The following MARCHF10 variants were observed in gnomAD, a reference collection of about 807,000 sequenced individuals.
MARCHF10 encodes membrane associated ring-CH-type finger 10.
A neutral mutation model predicts 76.2 loss-of-function variants in MARCHF10; 64 were observed. The observed-to-expected ratio is 0.84, with a 90% confidence interval of 0.69 to 1.03. MARCHF10 has a LOEUF of 1.03. Among genes scored for constraint, MARCHF10 ranks in the 50% least tolerant of loss-of-function variants. MARCHF10 has a pLI of 0.00. For missense variants in MARCHF10, 875 were observed against 958.0 expected (o/e 0.91, Z 1.14); for synonymous variants, 340 against 357.5 (o/e 0.95, Z 0.55).
chr17:62,740,652 T>A (rs1425447652), intron 5 of MARCHF10, among the ~76,000 whole-genome samples: 1 of 152,126 alleles, frequency 6.6e-6, no homozygotes, highest in African/African-American at 2.4e-5. Context: ...GCTTCTTTTT[T>A]TCTTACTTTT....
chr17:62,761,690 G>A (rs1026051172), intron 3 of MARCHF10, among the ~76,000 whole-genome samples: 2 of 152,118 alleles, frequency 1.3e-5, no homozygotes, highest in Admixed American at 6.6e-5. Flanking sequence ...CCAAAGTTCT[G>A]GGATTATAGG....
At chr17:62,726,872 G>A (rs559943081) in intron 6 of MARCHF10, among the ~76,000 whole-genome samples, 3 of 152,038 alleles carry the variant, frequency 2.0e-5, no homozygotes, top group East Asian at 1.9e-4. Context: ...CAGGTGATCC[G>A]CCTGCCTTGG....
At position 62,738,535 on chromosome 17, in the gene MARCHF10, G is replaced by T. The variant is rs2091384246; in HGVS notation, c.536-1203C>A. On this transcript the variant is annotated intron_variant, in intron 5 of 10. Transcript: ENST00000311269. This position sits in a 1 kb window ranked among gnomAD's most constrained non-coding sequence, Gnocchi z 4.0. ...CTTTTTATCATTCCATTTCTAAAGCGGTTCACCCTGTAGAGTGGACGGGAC... is the reference window on the plus strand; with the variant it reads ...CTTTTTATCATTCCATTTCTAAAGCTGTTCACCCTGTAGAGTGGACGGGAC... 6.6e-6 allele frequency among the ~76,000 whole-genome samples: 1 copy of T among 152,094 alleles called. No homozygotes were observed. Among genetic ancestry groups the T allele is most frequent in the African/African-American group, 2.4e-5 (1 of 41,400 alleles).
chr17:62,783,865 A>G (rs2092704043), intron 3 of MARCHF10, among the ~76,000 whole-genome samples: 1 of 152,240 alleles, frequency 6.6e-6, no homozygotes, highest in Non-Finnish European at 1.5e-5. Context: ...CAGGCTCTGA[A>G]ATTGAGGCAA....
intron 3 of MARCHF10, among the ~76,000 whole-genome samples, chr17:62,776,077 A>C (rs969912316): frequency 3.9e-5 from 6 of 152,222 alleles, no homozygotes; most frequent in South Asian, 4.1e-4. Context: ...GATTACAGGC[A>C]TGAGTCACTG....
At position 62,730,241 on chromosome 17, in the gene MARCHF10, C is replaced by T. The variant is rs937388275; in HGVS notation, c.1938-5137G>A. Among the ~76,000 whole-genome samples, 3 of 151,860 alleles carry T rather than the reference C, an allele frequency of 2.0e-5. No individual in the cohort carries two copies. In the South Asian group the frequency reaches 6.3e-4, roughly 32 times the overall value. Reference sequence around the variant, plus strand: ...AAAACCCCAAAAAACAAAAACAAAACCATAAATCAACAATAAATGTGTATA... The same window carrying T: ...AAAACCCCAAAAAACAAAAACAAAATCATAAATCAACAATAAATGTGTATA... On this transcript the variant is annotated intron_variant, in intron 6 of 10. Coordinates refer to ENST00000311269, the MANE Select transcript of MARCHF10 (RefSeq NM_152598.4).
At chr17:62,798,773 G>T (rs1430829072) in intron 2 of MARCHF10, among the ~76,000 whole-genome samples, 5 of 152,188 alleles carry the variant, frequency 3.3e-5, no homozygotes, top group African/African-American at 1.2e-4. Context: ...CTTAAGATGG[G>T]AGAGACTTAA....
chr17:62,772,043 T>C (rs2092458376), intron 3 of MARCHF10, among the ~76,000 whole-genome samples: 1 of 152,150 alleles, frequency 6.6e-6, no homozygotes, highest in Non-Finnish European at 1.5e-5. Context: ...GGAAAGGACT[T>C]GGTGACGAAT....
intron 4 of MARCHF10, among the ~76,000 whole-genome samples, chr17:62,755,992 T>C (rs2092029038): frequency 6.6e-6 from 1 of 152,028 alleles, no homozygotes; most frequent in Non-Finnish European, 1.5e-5. Context: ...CTCATGCCTG[T>C]AACCCCAGTA....
rs901769672 is a variant in MARCHF10, at chr17:62,735,700, A to G, written c.1937+231T>C. 5.9e-5 allele frequency: 31 copies of G among 526,710 alleles called. No individual in the cohort carries two copies. In the East Asian group the frequency reaches 1.0e-3, roughly 17 times the overall value. 32.6% of individuals were successfully genotyped at this position (526,710 alleles called of 1,614,324 possible). A position where few individuals can be genotyped will look rare whatever the true frequency, so the allele number is the denominator to read the frequency against. ...TAAGGGTGTGGTATTCAAGGAAAAA[A>G]ACACTTTGGGAAATAGAGAAGAAAC... On this transcript the variant is annotated intron_variant, in intron 6 of 10. Coordinates refer to ENST00000311269, the MANE Select transcript of MARCHF10 (RefSeq NM_152598.4).
chr17:62,737,546 G>A (rs539454476), intron 5 of MARCHF10: 4 of 551,598 alleles, frequency 7.3e-6, no homozygotes, highest in South Asian at 4.8e-5. Flanking sequence ...TGTGGTCCTA[G>A]GGAAATGGGG....
intron 3 of MARCHF10, among the ~76,000 whole-genome samples, chr17:62,782,163 C>T (rs753290564): frequency 3.3e-5 from 5 of 151,964 alleles, no homozygotes; most frequent in Non-Finnish European, 5.9e-5. Context: ...GAGCTGTGGA[C>T]ATTGGATCTG....
chr17:62,781,968 T>A, intron 3 of MARCHF10, among the ~76,000 whole-genome samples: 1 of 152,242 alleles, frequency 6.6e-6, no homozygotes, highest in East Asian at 1.9e-4. Flanking sequence ...CAGAGGCAAA[T>A]GCTATTTCGA....
intron 9 of MARCHF10, 147 bp from the exon 10 acceptor site, chr17:62,705,728 G>A (rs2089546299): frequency 1.0e-6 from 1 of 965,588 alleles, no homozygotes; most frequent in Non-Finnish European, 1.5e-6. Flanking sequence ...CTGAGGGCTG[G>A]GTGAGTGCTA....
At chr17:62,794,477 G>A (rs1364199008) in intron 2 of MARCHF10, among the ~76,000 whole-genome samples, 1 of 152,196 alleles carries the variant, frequency 6.6e-6, no homozygotes, top group African/African-American at 2.4e-5. Flanking sequence ...TTGTTTTTCT[G>A]CCCTGTAAGT....
intron 6 of MARCHF10, among the ~76,000 whole-genome samples, chr17:62,729,450 TTATATA>T (rs1387073297): frequency 6.7e-6 from 1 of 148,476 alleles, no homozygotes; most frequent in Non-Finnish European, 1.5e-5. Context: ...CAAAGAGAGA[TTATATA>T]TATATTTATA....
intron 2 of MARCHF10, among the ~76,000 whole-genome samples, chr17:62,794,005 GACCACCATC>G (rs991418618): frequency 1.1e-5 from 1 of 87,256 alleles, no homozygotes; most frequent in African/African-American, 4.7e-5. Flanking sequence ...CCTCCATCAT[GACCACCATC>G]ACCACCATCA....
chr17:62,793,633 CCCATCAACCACCACCATCACACCT>C (rs1433942381), intron 2 of MARCHF10, among the ~76,000 whole-genome samples: 3 of 147,776 alleles, frequency 2.0e-5, no homozygotes, highest in Non-Finnish European at 3.0e-5. Context: ...CCACCACAAC[CCCATCAACCACCACCATCACACCT>C]CCATCAACCA....
intron 10 of MARCHF10, 96 bp downstream of exon 10, chr17:62,705,443 T>G: frequency 6.2e-7 from 1 of 1,609,726 alleles, no homozygotes; most frequent in Non-Finnish European, 8.5e-7. Flanking sequence ...GTGGTGGTCA[T>G]TCCTTCCTTC....
Sources: gnomAD v4.1 joint callset for allele counts (sites outside exome capture counted in the v4.1 genomes callset) on GRCh38, gnomAD v4.1.1 for gene constraint, Gnocchi (gnomAD v3.1) non-coding constraint, MANE v1.5 for transcripts, NCBI Gene and HGNC (gene_info 2026-07-23, HGNC 2026-07-21) for gene names.